THSD7B: variants seen among roughly 807,000 people sequenced by gnomAD.
THSD7B encodes the protein thrombospondin type-1 domain-containing protein 7B.
In THSD7B, 138 loss-of-function variants were observed where a neutral mutation model predicts 213.6. The ratio of observed to expected loss-of-function variants is 0.65; its 90% CI spans 0.56 to 0.74. The LOEUF (loss-of-function observed/expected upper bound fraction) is 0.74, where lower values mean the gene tolerates loss of function less well. Ranked by LOEUF, THSD7B falls within the 30% of genes least tolerant of loss-of-function variation. THSD7B has a pLI of 0.00. For synonymous variants in THSD7B, 742 were observed against 687.0 expected (o/e 1.08, Z -1.25); for missense variants, 1,931 against 1,991.5 (o/e 0.97, Z 0.58).
intron 3 of THSD7B, among the ~76,000 whole-genome samples, chr2:137,083,372 T>G (rs1010342107): frequency 5.9e-5 from 9 of 152,152 alleles, no homozygotes; most frequent in Non-Finnish European, 1.0e-4. Flanking sequence ...AAATCACTTT[T>G]AATATTTTCA....
At chr2:137,242,723 A>C (rs762404570) in intron 10 of THSD7B, among the ~76,000 whole-genome samples, 151 bp downstream of exon 10, 4 of 152,038 alleles carry the variant, frequency 2.6e-5, no homozygotes, top group African/African-American at 4.8e-5. Flanking sequence ...TTGTAAATGA[A>C]GTCTTGTATT....
At chr2:137,643,432 T>G (rs977497743) in intron 21 of THSD7B, among the ~76,000 whole-genome samples, 13 of 152,342 alleles carry the variant, frequency 8.5e-5, no homozygotes, top group Non-Finnish European at 1.6e-4. Flanking sequence ...GGCAACATTA[T>G]TATCTTGCAA....
rs201775248 is a variant in THSD7B, at chr2:137,165,848, C to CA, written c.1526-4884dup. Among the ~76,000 whole-genome samples the CA allele has an allele frequency of 1.2e-3, 178 of 148,294 alleles. 1 individual carries two copies. Among genetic ancestry groups the CA allele is most frequent in the African/African-American group, 2.7e-3 (108 of 40,400 alleles). On this transcript the variant is annotated intron_variant, in intron 6 of 27. Coordinates refer to ENST00000409968, the MANE Select transcript of THSD7B (RefSeq NM_001316349.2). Reference sequence around the variant, plus strand: ...TAAGAGAAAAGCAAGCAAACAACAGCAAAAAAAAATGAATGTGGAGAGTAG... The same window carrying CA: ...TAAGAGAAAAGCAAGCAAACAACAGCAAAAAAAAAATGAATGTGGAGAGTAG...
intron 1 of THSD7B, among the ~76,000 whole-genome samples, chr2:136,768,603 T>C (rs1176135404): frequency 6.6e-6 from 1 of 152,178 alleles, no homozygotes; most frequent in Non-Finnish European, 1.5e-5. Flanking sequence ...TTCTAAGTAG[T>C]GACAACTATA....
chr2:136,980,844 C>T (rs140756456), intron 2 of THSD7B, among the ~76,000 whole-genome samples: 7 of 152,296 alleles, frequency 4.6e-5, no homozygotes, highest in Admixed American at 2.0e-4. Context: ...AATCACTCAC[C>T]GCCTCTCTTG....
intron 12 of THSD7B, among the ~76,000 whole-genome samples, chr2:137,346,391 G>A (rs1359142130): frequency 2.0e-5 from 3 of 151,400 alleles, no homozygotes; most frequent in African/African-American, 4.8e-5. Flanking sequence ...AGGTTCATTC[G>A]TGTTGTAACA....
At chr2:137,155,825 A>G (rs1679900385) in intron 5 of THSD7B, 1 of 152,226 alleles carries the variant, frequency 6.6e-6, no homozygotes, top group African/African-American at 2.4e-5. Flanking sequence ...TGGATCTGTC[A>G]TGTCACGTGT....
At chr2:137,547,453 GTA>G (rs1227255378) in intron 15 of THSD7B, among the ~76,000 whole-genome samples, 3 of 152,086 alleles carry the variant, frequency 2.0e-5, no homozygotes, top group African/African-American at 7.2e-5. Flanking sequence ...CTGTGTGTGT[GTA>G]TGTGTGTGTA....
intron 2 of THSD7B, among the ~76,000 whole-genome samples, chr2:136,901,940 T>G (rs1235223782): frequency 4.6e-5 from 7 of 152,216 alleles, no homozygotes; most frequent in African/African-American, 1.4e-4. Context: ...GATTTAATTA[T>G]TACAGAACCT....
At chr2:137,615,719 T>C (rs1170752718) in intron 17 of THSD7B, among the ~76,000 whole-genome samples, 1 of 152,216 alleles carries the variant, frequency 6.6e-6, no homozygotes, top group Admixed American at 6.5e-5. Context: ...TATATCTCTG[T>C]GTTCTAGTGT....
intron 7 of THSD7B, among the ~76,000 whole-genome samples, chr2:137,181,906 A>T (rs13029583): frequency 0.057 from 8,689 of 152,276 alleles, 260 homozygotes; most frequent in Admixed American, 0.074. Context: ...AATTACATAA[A>T]TGATTTTAAT....
chr2:137,114,987 A>G (rs1365840634), intron 4 of THSD7B, 137 bp from the exon 5 acceptor site: 39 of 865,582 alleles, frequency 4.5e-5, no homozygotes, highest in Non-Finnish European at 5.8e-5. Context: ...CAAAGCTAGT[A>G]TACTTCTTTA....
chr2:137,361,957 G>C (rs1398312017), intron 12 of THSD7B, among the ~76,000 whole-genome samples: 1 of 151,990 alleles, frequency 6.6e-6, no homozygotes, highest in Admixed American at 6.6e-5. Context: ...TGAAATGAAG[G>C]AAAAAATGTT....
chr2:137,637,284 T>C (rs975486656), intron 20 of THSD7B, among the ~76,000 whole-genome samples: 1 of 152,092 alleles, frequency 6.6e-6, no homozygotes, highest in Non-Finnish European at 1.5e-5. Context: ...TGTTATTAGA[T>C]TTTTTTTATT....
chr2:137,527,266 T>A (rs866635881), intron 15 of THSD7B, among the ~76,000 whole-genome samples: 1 of 152,138 alleles, frequency 6.6e-6, no homozygotes, highest in South Asian at 2.1e-4. Flanking sequence ...ATCAAGAAAA[T>A]TGCCTTGTAG....
At chr2:137,248,354 T>G (rs1682089793) in intron 10 of THSD7B, among the ~76,000 whole-genome samples, 1 of 152,190 alleles carries the variant, frequency 6.6e-6, no homozygotes, top group Non-Finnish European at 1.5e-5. Context: ...TTTCATTTCA[T>G]TAATGAACTT....
chr2:137,494,679 C>T (rs1679519000), intron 15 of THSD7B, among the ~76,000 whole-genome samples: 1 of 152,190 alleles, frequency 6.6e-6, no homozygotes, highest in Non-Finnish European at 1.5e-5. Flanking sequence ...CTTACATCTA[C>T]TTTTAACTTC....
chr2:136,874,961 T>G (rs573170053), intron 1 of THSD7B, among the ~76,000 whole-genome samples: 12 of 152,202 alleles, frequency 7.9e-5, no homozygotes, highest in Non-Finnish European at 1.0e-4. Context: ...AATCTCTAAT[T>G]GTTTCTTGTC....
At chr2:137,073,095 G>A (rs1006512004) in intron 3 of THSD7B, among the ~76,000 whole-genome samples, 2 of 152,118 alleles carry the variant, frequency 1.3e-5, no homozygotes, top group Admixed American at 6.5e-5. Context: ...CCATGCTTTG[G>A]TATCAGGATG....
Sources: allele counts gnomAD v4.1 joint callset (sites outside exome capture counted in the v4.1 genomes callset), GRCh38; gene constraint gnomAD v4.1.1; transcripts MANE v1.5; gene names NCBI Gene and HGNC (gene_info 2026-07-23, HGNC 2026-07-21).